Variants in NALCN observed in about 807,000 individuals in gnomAD.
NALCN encodes the protein sodium leak channel, non-selective.
NALCN carries 111 observed loss-of-function variants against 225.3 expected under a neutral mutation model. The ratio of observed to expected loss-of-function variants is 0.49; its 90% CI spans 0.42 to 0.58. NALCN has a LOEUF of 0.58. Ranked by LOEUF, NALCN falls within the 20% of genes least tolerant of loss-of-function variation. The pLI is 0.00. For missense variants in NALCN, 1,378 were observed against 2,202.4 expected (o/e 0.63, Z 7.49); for synonymous variants, 764 against 769.0 (o/e 0.99, Z 0.11).
At chr13:101,301,984 A>G (rs559579859) in intron 7 of NALCN, among the ~76,000 whole-genome samples, 13 of 152,302 alleles carry the variant, frequency 8.5e-5, no homozygotes, top group Admixed American at 5.2e-4. Flanking sequence ...CATACCAGAA[A>G]TATGTTTCCT....
chr13:101,089,655 AT>A lies in NALCN; in HGVS notation c.3489+7del, dbSNP rs748077395. ...AAACCCTGTGGTATCCAAACCAAAA[AT>A]CCTTACCTTGTTTTCATTGAAATTA... is the stretch of plus-strand genomic sequence containing the variant. On this transcript the variant is annotated splice_region_variant and intron_variant, in intron 30 of 43. Coordinates refer to ENST00000251127, the MANE Select transcript of NALCN (RefSeq NM_052867.4). The surrounding 1 kb of genome is among the most constrained non-coding windows in gnomAD (Gnocchi z 4.7). 1.2e-6 allele frequency: 2 copies of A among 1,613,014 alleles called. No homozygotes were observed. Among genetic ancestry groups the A allele is most frequent in the East Asian group, 4.5e-5 (2 of 44,830 alleles).
At chr13:101,240,887 T>C (rs1465878024) in intron 11 of NALCN, among the ~76,000 whole-genome samples, 1 of 152,188 alleles carries the variant, frequency 6.6e-6, no homozygotes, top group African/African-American at 2.4e-5. Flanking sequence ...TGCTAACATG[T>C]TGGATTTTAT....
chr13:101,397,066 TTATA>T (rs368771604), intron 2 of NALCN, among the ~76,000 whole-genome samples: 2,812 of 55,938 alleles, frequency 0.05, 56 homozygotes, highest in Admixed American at 0.06. Flanking sequence ...TATGAATGTA[TTATA>T]TATATATATA....
At chr13:101,117,031 T>C (rs1164083047) in intron 18 of NALCN, 2 of 491,320 alleles carry the variant, frequency 4.1e-6, no homozygotes, top group Non-Finnish European at 8.1e-6. Context: ...AAGCTGCATT[T>C]TTATCCTAGT....
intron 11 of NALCN, among the ~76,000 whole-genome samples, chr13:101,244,400 G>T (rs951134157): frequency 6.6e-6 from 1 of 152,126 alleles, no homozygotes; most frequent in East Asian, 1.9e-4. Flanking sequence ...TTTCTCTGTG[G>T]GAAAATGATA....
chr13:101,361,144 TA>T (rs1240473570), intron 6 of NALCN, among the ~76,000 whole-genome samples: 1 of 152,206 alleles, frequency 6.6e-6, no homozygotes, highest in African/African-American at 2.4e-5. Context: ...GATTTCATCC[TA>T]AAAATTAATT....
At chr13:101,393,666 G>C (rs1017602918) in intron 3 of NALCN, among the ~76,000 whole-genome samples, 4 of 151,886 alleles carry the variant, frequency 2.6e-5, no homozygotes, top group Non-Finnish European at 4.4e-5. Flanking sequence ...AATTAGCCCG[G>C]GGTGGTGGCT....
chr13:101,262,859 T>C (rs2042476523), intron 10 of NALCN, among the ~76,000 whole-genome samples: 1 of 152,128 alleles, frequency 6.6e-6, no homozygotes, highest in Non-Finnish European at 1.5e-5. Flanking sequence ...ATTGATAAAG[T>C]GGAGAAAATA....
Position 101,284,060 on chromosome 13 carries a change from A to G in NALCN, c.1048-41T>C, listed in dbSNP as rs906407202. 1.9e-6 allele frequency: 3 copies of G among 1,558,354 alleles called. No homozygotes were observed. The African/African-American group carries it at 4.1e-5, about 21-fold the overall frequency. The stretch of plus-strand genomic sequence containing the variant: ...GGGAGATGAGTCAGAGACATTTAAT[A>G]TGGAACATTGAGAACTCTATGTCTC... On this transcript the variant is annotated intron_variant, in intron 9 of 43. Transcript: ENST00000251127.
intron 3 of NALCN, among the ~76,000 whole-genome samples, chr13:101,388,334 C>G (rs2047050389): frequency 6.6e-6 from 1 of 152,074 alleles, no homozygotes; most frequent in South Asian, 2.1e-4. Flanking sequence ...AATTGCATTA[C>G]AGTTGTATTT....
At chr13:101,375,062 T>C (rs948013805) in intron 6 of NALCN, among the ~76,000 whole-genome samples, 6 of 152,194 alleles carry the variant, frequency 3.9e-5, no homozygotes, top group Admixed American at 6.5e-5. Flanking sequence ...ATGTTTTCCT[T>C]TCACACTCTT....
intron 3 of NALCN, 101 bp downstream of exon 3, chr13:101,395,082 T>G: frequency 8.6e-7 from 1 of 1,168,422 alleles, no homozygotes; most frequent in Non-Finnish European, 1.2e-6. Context: ...TAAGATAAAA[T>G]GATGTTTTGT....
intron 15 of NALCN, among the ~76,000 whole-genome samples, chr13:101,168,129 TC>T (rs1435919168): frequency 6.6e-6 from 1 of 152,174 alleles, no homozygotes; most frequent in African/African-American, 2.4e-5. Flanking sequence ...TTCTAGGCTT[TC>T]CTCTTACCTC....
chr13:101,395,967 A>G (rs1406586946), intron 2 of NALCN, among the ~76,000 whole-genome samples: 1 of 152,176 alleles, frequency 6.6e-6, no homozygotes, highest in African/African-American at 2.4e-5. Context: ...GCCTTTGTAT[A>G]AAAATACAAA....
At chr13:101,404,270 C>T (rs1648593679) in intron 1 of NALCN, among the ~76,000 whole-genome samples, 3 of 152,142 alleles carry the variant, frequency 2.0e-5, no homozygotes, top group Admixed American at 1.3e-4. Flanking sequence ...TCTGTGCTAT[C>T]GGGCATAATG....
chr13:101,391,622 G>T (rs1186172105), intron 3 of NALCN, among the ~76,000 whole-genome samples: 2 of 151,944 alleles, frequency 1.3e-5, no homozygotes, highest in African/African-American at 2.4e-5. Flanking sequence ...GCTGGAGGTT[G>T]CAGTGAGCTA....
intron 9 of NALCN, among the ~76,000 whole-genome samples, chr13:101,286,437 G>A (rs1566532740): frequency 2.0e-5 from 3 of 152,140 alleles, no homozygotes; most frequent in Admixed American, 1.3e-4. Flanking sequence ...GGATGTGAGG[G>A]TTAGAGCTAC....
At position 101,416,432 on chromosome 13, in the gene NALCN, T is replaced by TCACCTA. The variant is rs1367055673; in HGVS notation, c.-165_-160dup. ...CAGGGCGGGCGGGGACGCGGGCCCC[T>TCACCTA]CACCTACGGCGGCTCAGCTCAGGCA... On this transcript the variant is annotated 5_prime_UTR_variant, in exon 1 of 44. Coordinates refer to ENST00000251127, the MANE Select transcript of NALCN (RefSeq NM_052867.4). 1 of 150,868 alleles carries TCACCTA rather than the reference T, an allele frequency of 6.6e-6. No individual in the cohort carries two copies. Among genetic ancestry groups the TCACCTA allele is most frequent in the Admixed American group, 6.6e-5 (1 of 15,100 alleles). 9.3% of individuals were successfully genotyped at this position (150,868 alleles called of 1,614,324 possible). A position where few individuals can be genotyped will look rare whatever the true frequency, so the allele number is the denominator to read the frequency against.
At chr13:101,079,596 A>G (rs994894576) in intron 34 of NALCN, among the ~76,000 whole-genome samples, 1 of 152,174 alleles carries the variant, frequency 6.6e-6, no homozygotes, top group South Asian at 2.1e-4. Flanking sequence ...CATCTCCCTC[A>G]TCATAGTCAT....
Sources: gnomAD v4.1 joint callset for allele counts (sites outside exome capture counted in the v4.1 genomes callset) on GRCh38, gnomAD v4.1.1 for gene constraint, Gnocchi (gnomAD v3.1) non-coding constraint, MANE v1.5 for transcripts, NCBI Gene and HGNC (gene_info 2026-07-23, HGNC 2026-07-21) for gene names.